Variants in FANK1 observed in about 807,000 individuals in gnomAD.
The protein encoded by FANK1 is fibronectin type 3 and ankyrin repeat domains protein 1.
In FANK1, 44 loss-of-function variants were observed where a neutral mutation model predicts 45.3. The observed-to-expected ratio is 0.97, with a 90% CI of 0.76 to 1.25. The LOEUF is 1.25. Ranked by LOEUF, FANK1 falls within the 50% of genes most tolerant of loss-of-function variation. The probability of loss-of-function intolerance (pLI) is 0.00; values close to 1 mark genes in which losing one functional copy is unlikely to be tolerated. For synonymous variants in FANK1, 149 were observed against 152.5 expected (o/e 0.98, Z 0.17); for missense variants, 391 against 424.4 (o/e 0.92, Z 0.69).
rs1297176736 is a variant in FANK1, at chr10:125,961,690, T to C, written c.14-18471T>C. ...TTCAGGACATTGGTCTGGGAAAATATTTTATGAATAAGACCTCAAAAGCAG... is the reference window on the plus strand; with the variant it reads ...TTCAGGACATTGGTCTGGGAAAATACTTTATGAATAAGACCTCAAAAGCAG... On this transcript the variant is annotated intron_variant, in intron 1 of 10. Transcript: ENST00000368693. Among the ~76,000 whole-genome samples, 6 of 152,296 alleles carry C rather than the reference T, an allele frequency of 3.9e-5. No individual in the cohort carries two copies. The East Asian group carries it at 9.6e-4, about 24-fold the overall frequency.
chr10:125,929,512 A>G (rs1203127827), intron 1 of FANK1, among the ~76,000 whole-genome samples: 1 of 152,220 alleles, frequency 6.6e-6, no homozygotes, highest in African/African-American at 2.4e-5. Flanking sequence ...AGGTGCTCTC[A>G]GGTTGAAGTC....
At chr10:125,948,491 G>A (rs936363130) in intron 1 of FANK1, among the ~76,000 whole-genome samples, 3 of 152,158 alleles carry the variant, frequency 2.0e-5, no homozygotes, top group African/African-American at 4.8e-5. Context: ...ACACCTCTAC[G>A]CAAATAAATT....
chr10:125,970,471 A>G (rs956777429), intron 1 of FANK1, among the ~76,000 whole-genome samples: 14 of 152,232 alleles, frequency 9.2e-5, no homozygotes, highest in Admixed American at 3.3e-4. Context: ...TGGGAGGCCA[A>G]GGCAGGCAGC....
At chr10:125,980,442 T>C in intron 2 of FANK1, 104 bp downstream of exon 2, 1 of 1,274,368 alleles carries the variant, frequency 7.8e-7, no homozygotes, top group Non-Finnish European at 1.1e-6. Flanking sequence ...AATTAAAGAA[T>C]GAGTCAGCAT....
At chr10:125,949,561 T>C (rs1001765052) in intron 1 of FANK1, among the ~76,000 whole-genome samples, 34 of 150,542 alleles carry the variant, frequency 2.3e-4, no homozygotes, top group Non-Finnish European at 3.1e-4. Flanking sequence ...TTACAAGGGA[T>C]GTGAAGGACC....
At chr10:125,903,958 T>G (rs1945268957) in intron 1 of FANK1, among the ~76,000 whole-genome samples, 1 of 152,090 alleles carries the variant, frequency 6.6e-6, no homozygotes. Flanking sequence ...TAAGCTATTC[T>G]CCTGCCTCAG....
At chr10:125,984,914 G>C (rs10901496) in intron 2 of FANK1, among the ~76,000 whole-genome samples, 52,704 of 152,086 alleles carry the variant, frequency 0.35, 9,798 homozygotes, top group South Asian at 0.45. Context: ...CTTCTCCATG[G>C]GTTCAATGAA....
chr10:125,908,257 A>G (rs1945705121), intron 1 of FANK1, among the ~76,000 whole-genome samples: 1 of 152,116 alleles, frequency 6.6e-6, no homozygotes, highest in East Asian at 1.9e-4. Context: ...CGGCCTCCCA[A>G]AGGGCTGGGA....
chr10:125,932,306 C>T (rs953840331), intron 1 of FANK1, among the ~76,000 whole-genome samples: 5 of 152,124 alleles, frequency 3.3e-5, no homozygotes, highest in South Asian at 4.1e-4. Flanking sequence ...TCATCATTTT[C>T]ACAATATTGA....
intron 6 of FANK1, among the ~76,000 whole-genome samples, chr10:126,003,678 A>ATT (rs71029278): frequency 6.6e-5 from 10 of 151,262 alleles, no homozygotes; most frequent in South Asian, 4.2e-4. Context: ...TTTTTTATTT[A>ATT]TTTTTTTTAT....
At chr10:125,918,809 G>A (rs1946703736) in intron 1 of FANK1, among the ~76,000 whole-genome samples, 1 of 151,660 alleles carries the variant, frequency 6.6e-6, no homozygotes, top group South Asian at 2.1e-4. Context: ...GCTTTATAAT[G>A]TTATTCATGC....
At chr10:125,907,075 C>G (rs1173724416) in intron 1 of FANK1, among the ~76,000 whole-genome samples, 4 of 152,154 alleles carry the variant, frequency 2.6e-5, no homozygotes, top group Non-Finnish European at 5.9e-5. Flanking sequence ...GTATGTAAAG[C>G]CTTTAGCATT....
chr10:126,001,983 C>A (rs982257632), intron 6 of FANK1, among the ~76,000 whole-genome samples: 1 of 151,936 alleles, frequency 6.6e-6, no homozygotes, highest in South Asian at 2.1e-4. Flanking sequence ...GGTACCATGC[C>A]TTACTTTATA....
At chr10:125,979,998 CTT>C (rs1951096483) in intron 1 of FANK1, among the ~76,000 whole-genome samples, 161 bp from the exon 2 acceptor site, 1 of 152,160 alleles carries the variant, frequency 6.6e-6, no homozygotes, top group South Asian at 2.1e-4. Flanking sequence ...TTTTGTATCT[CTT>C]TAGCTTTTCA....
chr10:125,922,664 G>C (rs973806734), intron 1 of FANK1, among the ~76,000 whole-genome samples: 2 of 152,126 alleles, frequency 1.3e-5, no homozygotes, highest in African/African-American at 4.8e-5. Flanking sequence ...CTATAGGTGT[G>C]CTGCCATGCC....
intron 3 of FANK1, among the ~76,000 whole-genome samples, chr10:125,989,994 C>T (rs1213261167): frequency 1.3e-5 from 2 of 152,178 alleles, no homozygotes; most frequent in East Asian, 3.9e-4. Flanking sequence ...CACTCCCCTA[C>T]CTCTGCCCTT....
intron 3 of FANK1, chr10:125,994,696 G>T (rs1358822258): frequency 1.0e-6 from 1 of 985,272 alleles, no homozygotes; most frequent in Non-Finnish European, 1.2e-6. Flanking sequence ...AGAAAGATGG[G>T]TGGCTTCTAC....
intron 1 of FANK1, among the ~76,000 whole-genome samples, chr10:125,909,058 G>C (rs1402900137): frequency 2.0e-5 from 3 of 152,230 alleles, no homozygotes; most frequent in Admixed American, 2.0e-4. Context: ...AACATGGCTA[G>C]CAAGTCAATG....
intron 1 of FANK1, among the ~76,000 whole-genome samples, chr10:125,943,623 A>G (rs1314783307): frequency 6.6e-6 from 1 of 152,168 alleles, no homozygotes; most frequent in Non-Finnish European, 1.5e-5. Flanking sequence ...TTAAATTTTG[A>G]ATGAACTCTC....
Sources: gnomAD v4.1 joint callset for allele counts (sites outside exome capture counted in the v4.1 genomes callset) on GRCh38, gnomAD v4.1.1 for gene constraint, MANE v1.5 for transcripts, NCBI Gene and HGNC (gene_info 2026-07-23, HGNC 2026-07-21) for gene names.